Variants in MYLK observed in about 807,000 individuals in gnomAD.
The protein encoded by MYLK is myosin light chain kinase.
MYLK carries 106 observed loss-of-function variants against 203.4 expected under a neutral mutation model. The ratio of observed to expected loss-of-function variants is 0.52; its 90% CI spans 0.45 to 0.61. The LOEUF (loss-of-function observed/expected upper bound fraction) is 0.61. MYLK is among the 20% of genes least tolerant of loss of function. The pLI is 0.00. For synonymous variants in MYLK, 867 were observed against 959.5 expected (o/e 0.90, Z 1.78); for missense variants, 2,072 against 2,442.3 (o/e 0.85, Z 3.20).
chr3:123,642,911 T>A lies in MYLK; in HGVS notation c.4620-2407A>T, dbSNP rs115624032. On this transcript the variant is annotated intron_variant, in intron 27 of 33. Coordinates refer to ENST00000360304, the MANE Select transcript of MYLK (RefSeq NM_053025.4). The surrounding 1 kb of genome is among the most constrained non-coding windows in gnomAD (Gnocchi z 4.2). ...AAAATACAAATTCCCAAGCTCCTCC[T>A]CTGGAGATTTTGATTTAGAAAGTCT... 5.1e-3 allele frequency among the ~76,000 whole-genome samples: 777 copies of A among 152,348 alleles called. 5 individuals are homozygous for A. The highest frequency in any genetic ancestry group is 0.018 in the African/African-American group (749 of 41,586).
At chr3:123,707,644 T>G in intron 16 of MYLK, 110 bp downstream of exon 16, 1 of 1,564,738 alleles carries the variant, frequency 6.4e-7, no homozygotes, top group Middle Eastern at 2.2e-4. Context: ...TACCTGGAAG[T>G]CCAAGCCCCA....
intron 15 of MYLK, 96 bp downstream of exon 15, chr3:123,708,602 C>G (rs1051038388): frequency 6.9e-7 from 1 of 1,443,438 alleles, no homozygotes; most frequent in African/African-American, 1.4e-5. Flanking sequence ...TCAGTGGGAA[C>G]AAAGTAGCCT....
intron 3 of MYLK, among the ~76,000 whole-genome samples, chr3:123,806,820 A>C (rs566255466): frequency 6.6e-6 from 1 of 151,740 alleles, no homozygotes; most frequent in South Asian, 2.1e-4. Context: ...GCATCACTAC[A>C]CCTGGCTAAT....
At chr3:123,749,617 T>C (rs999416315) in intron 5 of MYLK, among the ~76,000 whole-genome samples, 1 of 152,212 alleles carries the variant, frequency 6.6e-6, no homozygotes, top group African/African-American at 2.4e-5. Context: ...CTCTTGCAGA[T>C]TTCCCTTTTT....
intron 20 of MYLK, among the ~76,000 whole-genome samples, chr3:123,668,786 A>G (rs1394286914): frequency 6.6e-6 from 1 of 151,978 alleles, no homozygotes; most frequent in Admixed American, 6.6e-5. Context: ...TGGTCCTCCC[A>G]CCCCATAGCA....
intron 1 of MYLK, among the ~76,000 whole-genome samples, chr3:123,877,739 C>T (rs1297260267): frequency 1.3e-5 from 2 of 152,226 alleles, no homozygotes; most frequent in African/African-American, 2.4e-5. Context: ...CATGAACATA[C>T]TCGTTTCCAC....
intron 2 of MYLK, among the ~76,000 whole-genome samples, chr3:123,855,063 T>C (rs1407310213): frequency 6.6e-5 from 10 of 152,222 alleles, no homozygotes; most frequent in Admixed American, 6.5e-4. Context: ...TTTCACTATG[T>C]CTAATTGCGG....
At chr3:123,625,624 C>T (rs1007353980) in intron 31 of MYLK, among the ~76,000 whole-genome samples, 6 of 151,818 alleles carry the variant, frequency 4.0e-5, no homozygotes, top group Admixed American at 1.3e-4. Context: ...CTGGCTAACA[C>T]GGTGAAACCC....
chr3:123,758,220 C>G (rs953258931), intron 4 of MYLK, among the ~76,000 whole-genome samples: 1 of 152,182 alleles, frequency 6.6e-6, no homozygotes, highest in Non-Finnish European at 1.5e-5. Context: ...AACTGGCACT[C>G]AGCCCCATAA....
At position 123,674,144 on chromosome 3, in the gene MYLK, C is replaced by A. The variant is rs549341234; in HGVS notation, c.3653-6957G>T. Among the ~76,000 whole-genome samples the A allele has an allele frequency of 9.9e-4, 151 of 152,232 alleles. 1 individual carries two copies. Among genetic ancestry groups the A allele is most frequent in the Admixed American group, 1.5e-3 (23 of 15,288 alleles). The stretch of plus-strand genomic sequence containing the variant: ...CGTACTGCCAGCCAAACGTGCAAAA[C>A]CAAATCCAAGACCTTTTCCCCAAAC... On this transcript the variant is annotated intron_variant, in intron 20 of 33. Transcript: ENST00000360304.
intron 1 of MYLK, among the ~76,000 whole-genome samples, chr3:123,883,051 G>A (rs1011719127): frequency 6.6e-6 from 1 of 152,186 alleles, no homozygotes; most frequent in Non-Finnish European, 1.5e-5. Context: ...TTTGAAGTGT[G>A]GGCGGGGTTC....
intron 4 of MYLK, among the ~76,000 whole-genome samples, chr3:123,767,749 T>C (rs556089644): frequency 1.3e-5 from 2 of 152,206 alleles, no homozygotes; most frequent in East Asian, 1.9e-4. Context: ...GTCAGTCCCA[T>C]GGGGGTGTCA....
intron 27 of MYLK, among the ~76,000 whole-genome samples, chr3:123,646,678 G>GA (rs2059033072): frequency 6.6e-6 from 1 of 152,230 alleles, no homozygotes; most frequent in Non-Finnish European, 1.5e-5. Context: ...ACCCCATAGG[G>GA]AAAGCACCAC....
At chr3:123,694,440 C>A (rs942340051) in intron 18 of MYLK, among the ~76,000 whole-genome samples, 3 of 152,104 alleles carry the variant, frequency 2.0e-5, no homozygotes, top group Admixed American at 1.3e-4. Context: ...GGAGAGAGAA[C>A]TTTCCATTCA....
intron 13 of MYLK, among the ~76,000 whole-genome samples, chr3:123,710,398 C>T (rs918666842): frequency 1.3e-5 from 2 of 152,184 alleles, no homozygotes; most frequent in Middle Eastern, 3.2e-3. Flanking sequence ...ACACAAAATG[C>T]TTGGCATCCC....
intron 4 of MYLK, among the ~76,000 whole-genome samples, chr3:123,766,268 A>G (rs1176808721): frequency 6.6e-6 from 1 of 152,218 alleles, no homozygotes; most frequent in African/African-American, 2.4e-5. Flanking sequence ...TGTGCTATGA[A>G]TAAGACCTGG....
At chr3:123,726,130 G>A in intron 11 of MYLK, 52 bp from the exon 12 acceptor site, 1 of 1,610,344 alleles carries the variant, frequency 6.2e-7, no homozygotes, top group Non-Finnish European at 8.5e-7. Context: ...CCACTCTGGT[G>A]ATGCCTGCAG....
At chr3:123,744,865 T>G (rs1283700121) in intron 5 of MYLK, among the ~76,000 whole-genome samples, 1 of 152,190 alleles carries the variant, frequency 6.6e-6, no homozygotes, top group East Asian at 1.9e-4. Flanking sequence ...TGCCTACATT[T>G]TATGCATCTC....
At chr3:123,697,720 C>T (rs1339248724) in intron 18 of MYLK, among the ~76,000 whole-genome samples, 2 of 152,194 alleles carry the variant, frequency 1.3e-5, no homozygotes, top group African/African-American at 2.4e-5. Flanking sequence ...TAGTGTTCAA[C>T]ATATGTCAGC....
Sources: allele counts gnomAD v4.1 joint callset (sites outside exome capture counted in the v4.1 genomes callset), GRCh38; gene constraint gnomAD v4.1.1; non-coding constraint Gnocchi (gnomAD v3.1); transcripts MANE v1.5; gene names NCBI Gene and HGNC (gene_info 2026-07-23, HGNC 2026-07-21).